Variants in CDKL5 observed in about 807,000 individuals in gnomAD.
CDKL5 encodes cyclin dependent kinase like 5.
Under a neutral mutation model 61.7 loss-of-function variants are expected in CDKL5, and 8 were observed. That is an observed-to-expected ratio of 0.13 (90% CI 0.08 to 0.23). CDKL5 has a LOEUF of 0.23. Ranked by LOEUF, CDKL5 falls within the 10% of genes least tolerant of loss-of-function variation. The pLI is 1.00. For missense variants in CDKL5, 440 were observed against 734.5 expected (o/e 0.60, Z 4.63); for synonymous variants, 275 against 272.3 (o/e 1.01, Z -0.10).
chrX:18,635,859 T>G lies in CDKL5; in HGVS notation c.*7102T>G, dbSNP rs1927371159. ...CAGATGGTAAATATTGGGGGCTCTG[T>G]GGCCCATCAGTTCCCTGTCAACATT... On this transcript the variant is annotated 3_prime_UTR_variant, in exon 18 of 18. Transcript: ENST00000623535. 1 of 112,828 alleles carries G rather than the reference T, an allele frequency of 8.9e-6. No homozygotes were observed. Among genetic ancestry groups the G allele is most frequent in the African/African-American group, 3.2e-5 (1 of 30,776 alleles). The allele number at this position is 112,828 out of a possible 1,213,427, so 9.3% of individuals were successfully genotyped here.
intron 3 of CDKL5, among the ~76,000 whole-genome samples, chrX:18,520,559 G>A (rs1362476205): frequency 8.9e-6 from 1 of 112,200 alleles, no homozygotes; most frequent in Non-Finnish European, 1.9e-5. Context: ...TCATGTACAA[G>A]TGTTGTTTGA....
In CDKL5 at chrX:18,489,056, T is replaced by C. The variant is rs1200006804; in HGVS notation, c.-162-17879T>C. On this transcript the variant is annotated intron_variant, in intron 1 of 17. Coordinates refer to ENST00000623535, the MANE Select transcript of CDKL5 (RefSeq NM_001323289.2). Reference sequence around the variant, plus strand: ...GGGAAAAAAATCTACATTCTATAGATAATCCCCTTCCCTTTCCAGGTCTTT... The same window carrying C: ...GGGAAAAAAATCTACATTCTATAGACAATCCCCTTCCCTTTCCAGGTCTTT... 3.6e-5 allele frequency among the ~76,000 whole-genome samples: 4 copies of C among 111,731 alleles called. No homozygotes were observed. In the East Asian group the frequency reaches 1.1e-3, roughly 31 times the overall value.
At chrX:18,589,493 G>A (rs2147149530) in intron 9 of CDKL5, 1 of 111,150 alleles carries the variant, frequency 9.0e-6, no homozygotes, top group South Asian at 3.8e-4. Flanking sequence ...TGGCTGCATA[G>A]TATTCCATGG....
intron 3 of CDKL5, among the ~76,000 whole-genome samples, chrX:18,515,515 G>C (rs1428658771): frequency 9.0e-6 from 1 of 111,626 alleles, no homozygotes. Flanking sequence ...GCAGTAGAGA[G>C]CTGTTGCAGA....
chrX:18,470,355 GAAAAAAAAAAAAAA>G (rs1921044008), intron 1 of CDKL5, among the ~76,000 whole-genome samples: 1 of 7,312 alleles, frequency 1.4e-4, no homozygotes, highest in African/African-American at 5.4e-4. Context: ...AAGAAGAAAA[GAAAAAAAAAAAAAA>G]GAAGAAAAGA....
At chrX:18,603,231 A>C (rs1471981961) in intron 11 of CDKL5, among the ~76,000 whole-genome samples, 1 of 112,445 alleles carries the variant, frequency 8.9e-6, no homozygotes, top group Non-Finnish European at 1.9e-5. Flanking sequence ...ACAAAGAGAT[A>C]TCTGAAGAGC....
In CDKL5 at chrX:18,560,011, A is replaced by G. The variant is rs778148070; in HGVS notation, c.100-4466A>G. The stretch of plus-strand genomic sequence containing the variant: ...GTATTCCATGGTGTATATGTGCCAC[A>G]TTTTCTTAATCCAGTCTATCATTGT... On this transcript the variant is annotated intron_variant, in intron 3 of 17. Transcript: ENST00000623535. Among the ~76,000 whole-genome samples the G allele has an allele frequency of 4.6e-3, 498 of 108,856 alleles. 5 individuals are homozygous for G. The highest frequency in any genetic ancestry group is 0.016 in the African/African-American group (469 of 29,814). The allele number at this position is 108,856 out of a possible 115,157, so 94.5% of individuals were successfully genotyped here. A position where few individuals can be genotyped will look rare whatever the true frequency, so the allele number is the denominator to read the frequency against.
Position 18,595,377 on chromosome X carries a change from G to A in CDKL5, c.774G>A (p.Leu258=), listed in dbSNP as rs1925958048. 1.7e-6 allele frequency: 2 copies of A among 1,199,735 alleles called. No individual in the cohort carries two copies. The change falls in exon 10 of 18, where the codon TTG becomes TTA. Residue 258 remains leucine, a synonymous_variant. Coordinates refer to ENST00000623535, the MANE Select transcript of CDKL5 (RefSeq NM_001323289.2). The part of the protein sequence containing the change: ...RFPAVNHPQS[L]ERRYLGILNS... ...CAGCTGTTAACCATCCTCAGTCCTTGGAAAGAAGATACCTTGGAATTTTGA... is the reference window on the plus strand; with the variant it reads ...CAGCTGTTAACCATCCTCAGTCCTTAGAAAGAAGATACCTTGGAATTTTGA...
rs143488022 is a variant in CDKL5 at position 18,630,777 on chromosome X, A to G, written c.*2020A>G. ...AAACCAATAGTTTTGCATGCTCTTT[A>G]GTTCTTTTTCTGTCTTACTTCTTTC... On this transcript the variant is annotated 3_prime_UTR_variant, in exon 18 of 18. Coordinates refer to ENST00000623535, the MANE Select transcript of CDKL5 (RefSeq NM_001323289.2). The G allele has an allele frequency of 7.0e-4, 522 of 748,560 alleles. 4 individuals are homozygous for G. The African/African-American group carries it at 0.012, about 17-fold the overall frequency. 61.7% of individuals were successfully genotyped at this position (748,560 alleles called of 1,213,427 possible).
At chrX:18,519,093 A>G (rs1458861556) in intron 3 of CDKL5, among the ~76,000 whole-genome samples, 1 of 111,454 alleles carries the variant, frequency 9.0e-6, no homozygotes, top group African/African-American at 3.3e-5. Flanking sequence ...CAGGAAGCCC[A>G]AGTCATTGCC....
At chrX:18,512,180 T>G (rs1922852427) in intron 3 of CDKL5, among the ~76,000 whole-genome samples, 2 of 112,040 alleles carry the variant, frequency 1.8e-5, no homozygotes, top group African/African-American at 6.5e-5. Flanking sequence ...AGTTTAAATA[T>G]TTTTCTATTA....
chrX:18,608,812 C>G lies in CDKL5; in HGVS notation c.1946C>G (p.Pro649Arg). 8.4e-7 allele frequency: 1 copy of G among 1,196,027 alleles called. No homozygotes were observed. The part of the protein sequence containing the change: ...ANSLQLLSPQ[P>R]GEQLPPEMTV... ...AATCCTTTTAAATTTTACTTCCAGC[C>G]TGGAGAACAGCTCCCTCCAGAGATG... Residue 649 changes from proline (P) to arginine (R), a missense_variant and splice_region_variant, in exon 13 of 18, where the codon CCT (proline) becomes CGT (arginine). By Grantham distance (103) the Pro-to-Arg change is moderately radical. Around this residue, in one of 2 missense-constraint regions of CDKL5, gnomAD observed 363 missense variants for 516.3 expected, o/e 0.70. Coordinates refer to ENST00000623535, the MANE Select transcript of CDKL5 (RefSeq NM_001323289.2).
intron 14 of CDKL5, among the ~76,000 whole-genome samples, chrX:18,610,325 T>G (rs1176367149): frequency 8.9e-6 from 1 of 112,655 alleles, no homozygotes; most frequent in African/African-American, 3.2e-5. Flanking sequence ...AACAGCTTGT[T>G]TCTGTCCCTT....
intron 1 of CDKL5, among the ~76,000 whole-genome samples, chrX:18,500,021 A>T (rs1259699280): frequency 1.8e-5 from 2 of 111,765 alleles, no homozygotes; most frequent in Non-Finnish European, 3.8e-5. Context: ...CGCCCAGATG[A>T]CATAAACCTA....
At chrX:18,523,424 T>C (rs1923323292) in intron 3 of CDKL5, among the ~76,000 whole-genome samples, 1 of 112,090 alleles carries the variant, frequency 8.9e-6, no homozygotes, top group African/African-American at 3.2e-5. Context: ...ATGATGTTTT[T>C]AAGGTTCATT....
At chrX:18,576,368 C>G (rs1042044590) in intron 5 of CDKL5, among the ~76,000 whole-genome samples, 3 of 111,890 alleles carry the variant, frequency 2.7e-5, no homozygotes, top group African/African-American at 9.7e-5. Context: ...GTAGAAGAAA[C>G]TGGAGTGGGG....
At chrX:18,518,059 C>G (rs766489078) in intron 3 of CDKL5, among the ~76,000 whole-genome samples, 2 of 111,426 alleles carry the variant, frequency 1.8e-5, no homozygotes, top group Non-Finnish European at 3.8e-5. Context: ...AGTAATCCAA[C>G]ACTGATTTAC....
At chrX:18,589,285 C>T (rs1431371328) in intron 9 of CDKL5, 1 of 109,301 alleles carries the variant, frequency 9.1e-6, no homozygotes, top group Non-Finnish European at 1.9e-5. Context: ...ATGCTATTTT[C>T]CCCCCTCCCC....
Position 18,629,025 on chromosome X carries a change from A to G in CDKL5, c.*268A>G. 1 of 915,491 alleles carries G rather than the reference A, an allele frequency of 1.1e-6. No individual in the cohort carries two copies. The highest frequency in any genetic ancestry group is 2.0e-5 in the African/African-American group (1 of 49,668). 75.4% of individuals were successfully genotyped at this position (915,491 alleles called of 1,213,427 possible). ...AATAGATAGAGTGTGCCATTGAGGAAGAAGAAATTCTTGCCAGTTTCTCCC... is the reference window on the plus strand; with the variant it reads ...AATAGATAGAGTGTGCCATTGAGGAGGAAGAAATTCTTGCCAGTTTCTCCC... On this transcript the variant is annotated 3_prime_UTR_variant, in exon 18 of 18. Transcript: ENST00000623535.
Sources: allele counts gnomAD v4.1 joint callset (sites outside exome capture counted in the v4.1 genomes callset), GRCh38; gene constraint gnomAD v4.1.1; regional missense constraint gnomAD v4.1.1; transcripts MANE v1.5; gene names NCBI Gene and HGNC (gene_info 2026-07-23, HGNC 2026-07-21).